EPHA3: variants seen among roughly 807,000 people sequenced by gnomAD.
The protein encoded by EPHA3 is ephrin type-A receptor 3.
EPHA3 carries 42 observed loss-of-function variants against 107.1 expected under a neutral mutation model. The observed-to-expected ratio is 0.39, with a 90% CI of 0.31 to 0.51. The LOEUF is 0.51. EPHA3 is among the 20% of genes least tolerant of loss of function. The probability of loss-of-function intolerance (pLI) is 0.78; values close to 1 mark genes in which losing one functional copy is unlikely to be tolerated. For synonymous variants in EPHA3, 461 were observed against 424.8 expected, an observed-to-expected ratio of 1.09 and a Z score of -1.05; for missense variants, 1,183 against 1,211.2, an observed-to-expected ratio of 0.98 and a Z score of 0.35.
intron 13 of EPHA3, among the ~76,000 whole-genome samples, chr3:89,440,230 T>G (rs1277005604): frequency 3.9e-5 from 6 of 152,162 alleles, no homozygotes; most frequent in African/African-American, 1.4e-4. Context: ...GCCAAATAAT[T>G]TATCTCTATA....
At chr3:89,232,454 G>A (rs1322506678) in intron 3 of EPHA3, among the ~76,000 whole-genome samples, 1 of 152,076 alleles carries the variant, frequency 6.6e-6, no homozygotes, top group Non-Finnish European at 1.5e-5. Context: ...AACCAATTAT[G>A]TTGGAAACAG....
intron 11 of EPHA3, among the ~76,000 whole-genome samples, chr3:89,426,983 T>C (rs1434369580): frequency 1.1e-4 from 17 of 151,802 alleles, no homozygotes. Flanking sequence ...TCCAAGGAAA[T>C]GGTGAATCTT....
chr3:89,375,585 A>G, intron 5 of EPHA3, among the ~76,000 whole-genome samples: 1 of 147,248 alleles, frequency 6.8e-6, no homozygotes, highest in African/African-American at 2.7e-5. Flanking sequence ...TCATTGACTG[A>G]GAGCTGTTCC....
intron 2 of EPHA3, among the ~76,000 whole-genome samples, chr3:89,187,091 C>A (rs536399760): frequency 6.6e-6 from 1 of 151,664 alleles, no homozygotes; most frequent in African/African-American, 2.4e-5. Flanking sequence ...GTAGAATTTA[C>A]TCTTTCAGAG....
chr3:89,459,102 G>T (rs1011669089), intron 15 of EPHA3, among the ~76,000 whole-genome samples: 5 of 152,082 alleles, frequency 3.3e-5, no homozygotes, highest in African/African-American at 1.2e-4. Flanking sequence ...CCTAGATGAT[G>T]TGTTGATAGG....
intron 5 of EPHA3, among the ~76,000 whole-genome samples, chr3:89,353,391 A>G (rs542524599): frequency 6.6e-6 from 1 of 151,612 alleles, no homozygotes; most frequent in South Asian, 2.1e-4. Flanking sequence ...GTAATGTTCT[A>G]TGATGCATCC....
intron 11 of EPHA3, among the ~76,000 whole-genome samples, chr3:89,420,294 T>C (rs1709330280): frequency 6.6e-6 from 1 of 151,460 alleles, no homozygotes. Flanking sequence ...TATATTTCTC[T>C]TTACCATTTT....
chr3:89,301,591 C>A (rs1706490404), intron 3 of EPHA3, among the ~76,000 whole-genome samples: 2 of 151,984 alleles, frequency 1.3e-5, no homozygotes, highest in Non-Finnish European at 2.9e-5. Flanking sequence ...ATTTCAGCAA[C>A]TATTTTCACA....
Position 89,120,714 on chromosome 3 carries a change from G to T in EPHA3, c.89-6495G>T, listed in dbSNP as rs572804427. Reference sequence around the variant, plus strand: ...TCATCTTATTGTGAGACTCTGTTTTGATTCCAAGGAGTTCCCCCTACTGTT... The same window carrying T: ...TCATCTTATTGTGAGACTCTGTTTTTATTCCAAGGAGTTCCCCCTACTGTT... On this transcript the variant is annotated intron_variant, in intron 1 of 16. Coordinates refer to ENST00000336596, the MANE Select transcript of EPHA3 (RefSeq NM_005233.6). Among the ~76,000 whole-genome samples the T allele has an allele frequency of 8.0e-4, 122 of 152,232 alleles. 1 individual carries two copies. The highest frequency in any genetic ancestry group is 3.4e-3 in the Middle Eastern group (1 of 294).
chr3:89,307,390 G>A (rs946004341), intron 3 of EPHA3, among the ~76,000 whole-genome samples: 5 of 152,084 alleles, frequency 3.3e-5, no homozygotes, highest in African/African-American at 9.7e-5. Flanking sequence ...AAAAAAAGAC[G>A]AAGTCTGAAG....
chr3:89,421,885 G>A (rs1208849109), intron 11 of EPHA3, among the ~76,000 whole-genome samples: 1 of 150,098 alleles, frequency 6.7e-6, no homozygotes, highest in African/African-American at 2.4e-5. Flanking sequence ...AAAATTGCAG[G>A]TATTATATAT....
chr3:89,381,698 C>G (rs747283310), intron 5 of EPHA3, among the ~76,000 whole-genome samples: 3 of 151,862 alleles, frequency 2.0e-5, no homozygotes, highest in Non-Finnish European at 4.4e-5. Flanking sequence ...AGGACATGAG[C>G]CCTTGGAAAG....
intron 3 of EPHA3, among the ~76,000 whole-genome samples, chr3:89,227,147 T>G (rs1576246606): frequency 6.6e-6 from 1 of 152,092 alleles, no homozygotes; most frequent in East Asian, 1.9e-4. Flanking sequence ...ATGGCATGTG[T>G]ATTCATATTT....
intron 2 of EPHA3, among the ~76,000 whole-genome samples, chr3:89,164,266 T>TA (rs1400412908): frequency 6.6e-6 from 1 of 152,138 alleles, no homozygotes; most frequent in Non-Finnish European, 1.5e-5. Flanking sequence ...CTAATGAGCT[T>TA]AAAAAATAAT....
intron 3 of EPHA3, among the ~76,000 whole-genome samples, chr3:89,305,611 AT>A (rs1280375450): frequency 6.6e-6 from 1 of 152,082 alleles, no homozygotes; most frequent in African/African-American, 2.4e-5. Flanking sequence ...GTCATTCTAT[AT>A]TTGGGTTTCT....
chr3:89,273,867 G>T (rs1705741083), intron 3 of EPHA3, among the ~76,000 whole-genome samples: 1 of 151,880 alleles, frequency 6.6e-6, no homozygotes. Context: ...CAGCCTTCTT[G>T]CATTTAGGAA....
intron 3 of EPHA3, among the ~76,000 whole-genome samples, chr3:89,281,409 T>C (rs1418157907): frequency 1.3e-5 from 2 of 152,112 alleles, no homozygotes; most frequent in African/African-American, 4.8e-5. Flanking sequence ...CACTAGCAGA[T>C]TTCTGAGCCA....
intron 11 of EPHA3, among the ~76,000 whole-genome samples, chr3:89,428,311 G>A (rs1709496876): frequency 6.6e-6 from 1 of 151,942 alleles, no homozygotes; most frequent in African/African-American, 2.4e-5. Context: ...GTTTTCTCAT[G>A]TGTAAAATGG....
At chr3:89,271,834 G>T (rs958607780) in intron 3 of EPHA3, among the ~76,000 whole-genome samples, 2 of 151,788 alleles carry the variant, frequency 1.3e-5, no homozygotes, top group Non-Finnish European at 2.9e-5. Context: ...AACAACATGG[G>T]TTTGAACTTC....
Sources: gnomAD v4.1 joint callset for allele counts (sites outside exome capture counted in the v4.1 genomes callset) on GRCh38, gnomAD v4.1.1 for gene constraint, MANE v1.5 for transcripts, NCBI Gene and HGNC (gene_info 2026-07-23, HGNC 2026-07-21) for gene names.